Variants in TXNRD1 observed in about 807,000 individuals in gnomAD.
TXNRD1 encodes the protein thioredoxin reductase 1, also known as thioredoxin reductase 1, cytoplasmic.
Under a neutral mutation model 80.3 loss-of-function variants are expected in TXNRD1, and 57 were observed. The observed-to-expected ratio is 0.71, with a 90% CI of 0.57 to 0.89. TXNRD1 has a LOEUF of 0.89. Ranked by LOEUF, TXNRD1 falls within the 40% of genes least tolerant of loss-of-function variation. The pLI, the probability that TXNRD1 is intolerant of heterozygous loss-of-function variation, is 0.00. For missense variants in TXNRD1, 730 were observed against 803.0 expected (o/e 0.91, Z 1.10); for synonymous variants, 291 against 285.2 (o/e 1.02, Z -0.20).
At chr12:104,331,882 A>G (rs890389262) in intron 14 of TXNRD1, among the ~76,000 whole-genome samples, 19 of 152,038 alleles carry the variant, frequency 1.2e-4, no homozygotes, top group South Asian at 2.1e-4. Flanking sequence ...CTTTACCCCT[A>G]AATACTTTAT....
intron 1 of TXNRD1, among the ~76,000 whole-genome samples, chr12:104,235,416 GAAGT>G (rs2032717256): frequency 6.6e-6 from 1 of 152,190 alleles, no homozygotes; most frequent in Non-Finnish European, 1.5e-5. Context: ...AGGAGGCAAG[GAAGT>G]TAGGCTTTGA....
intron 1 of TXNRD1, among the ~76,000 whole-genome samples, chr12:104,226,802 A>G (rs2032483273): frequency 6.6e-6 from 1 of 152,172 alleles, no homozygotes; most frequent in Non-Finnish European, 1.5e-5. Context: ...CCAAATAAAA[A>G]TACCTAGCAT....
intron 10 of TXNRD1, among the ~76,000 whole-genome samples, chr12:104,323,241 CT>C (rs1209605442): frequency 7.0e-6 from 1 of 143,662 alleles, no homozygotes; most frequent in Non-Finnish European, 1.5e-5. Flanking sequence ...ATTTCTCAAT[CT>C]TTTCCCCACC....
intron 3 of TXNRD1, among the ~76,000 whole-genome samples, chr12:104,275,722 T>C (rs922567189): frequency 3.3e-5 from 5 of 152,080 alleles, no homozygotes; most frequent in Non-Finnish European, 7.4e-5. Flanking sequence ...TAATGCTTTG[T>C]TGACAGTTAC....
intron 1 of TXNRD1, among the ~76,000 whole-genome samples, chr12:104,217,437 A>G (rs1159792451): frequency 6.6e-6 from 1 of 151,696 alleles, no homozygotes; most frequent in Non-Finnish European, 1.5e-5. Flanking sequence ...CAGCCTCCCA[A>G]GTAGCTGGGA....
intron 13 of TXNRD1, 126 bp downstream of exon 13, chr12:104,327,797 G>C (rs7962256): frequency 0.065 from 63,110 of 966,238 alleles, 2,298 homozygotes; most frequent in Non-Finnish European, 0.078. Context: ...TGGCATCCTA[G>C]ATGTCCTTTA....
At chr12:104,323,581 T>G (rs1409173248) in intron 10 of TXNRD1, among the ~76,000 whole-genome samples, 1 of 64,002 alleles carries the variant, frequency 1.6e-5, no homozygotes. Context: ...GGCGGGGGGC[T>G]GACACCCCCA....
chr12:104,271,052 G>A (rs917788365), intron 3 of TXNRD1, among the ~76,000 whole-genome samples: 4 of 152,256 alleles, frequency 2.6e-5, no homozygotes, highest in East Asian at 1.9e-4. Context: ...TCAGTTTCAC[G>A]TGCATCCGTG....
chr12:104,216,515 T>C (rs901623032), intron 1 of TXNRD1, among the ~76,000 whole-genome samples: 2 of 152,222 alleles, frequency 1.3e-5, no homozygotes, highest in Non-Finnish European at 2.9e-5. Flanking sequence ...GTCCGGATAA[T>C]GCCAATAATG....
chr12:104,305,955 G>T (rs112727779), intron 4 of TXNRD1, among the ~76,000 whole-genome samples: 2 of 151,964 alleles, frequency 1.3e-5, no homozygotes, highest in Non-Finnish European at 2.9e-5. Context: ...CCAGGCTGGG[G>T]TGCAGTGGTG....
intron 1 of TXNRD1, among the ~76,000 whole-genome samples, chr12:104,238,995 C>T (rs997214754): frequency 1.0e-4 from 15 of 150,452 alleles, no homozygotes; most frequent in Middle Eastern, 3.5e-3. Context: ...TACAGATGCC[C>T]GCCACCACAC....
At chr12:104,346,907 CA>C (rs544772240) in intron 16 of TXNRD1, among the ~76,000 whole-genome samples, 279 of 152,208 alleles carry the variant, frequency 1.8e-3, no homozygotes, top group Non-Finnish European at 3.7e-3. Flanking sequence ...CAAGCCTGGT[CA>C]ACGTGGTGAA....
chr12:104,251,562 A>T lies in TXNRD1; in HGVS notation c.127A>T (p.Asn43Tyr), dbSNP rs750840443. The T allele has an allele frequency of 3.0e-5, 49 of 1,613,822 alleles. No individual in the cohort carries two copies. Among genetic ancestry groups the T allele is most frequent in the Non-Finnish European group, 3.4e-5 (40 of 1,179,878 alleles). Residue 43 changes from asparagine (N) to tyrosine (Y), a missense_variant, in exon 2 of 17, where the codon AAC (asparagine) becomes TAC (tyrosine). Coordinates refer to ENST00000525566, the MANE Select transcript of TXNRD1 (RefSeq NM_001093771.3). The stretch of plus-strand genomic sequence containing the variant: ...TCACCCTGGTAAAACTTTGCCAGAG[A>T]ACCCAGCAGGATTCACCAGCACGGC... ...DHHPGKTLPENPAGFTSTATA... is the reference protein window; with the variant it reads ...DHHPGKTLPEYPAGFTSTATA...
At chr12:104,298,598 C>T (rs1055693245) in intron 4 of TXNRD1, among the ~76,000 whole-genome samples, 4 of 152,042 alleles carry the variant, frequency 2.6e-5, no homozygotes, top group Admixed American at 6.6e-5. Flanking sequence ...GTGGCACACA[C>T]GTGTAATCCC....
At chr12:104,267,284 C>CTTTTTTTCTTTCTT (rs2033524577) in intron 3 of TXNRD1, among the ~76,000 whole-genome samples, 1 of 9,220 alleles carries the variant, frequency 1.1e-4, no homozygotes, top group African/African-American at 3.9e-4. Context: ...TCTTTCTTTC[C>CTTTTTTTCTTTCTT]TCTTTCTGTC....
chr12:104,280,473 T>TTTATTTCTC (rs2033855229), intron 3 of TXNRD1: 1 of 152,236 alleles, frequency 6.6e-6, no homozygotes, highest in Admixed American at 6.5e-5. Context: ...CTGGGCCATC[T>TTTATTTCTC]TTATTTCTCT....
chr12:104,292,392 C>A (rs374645930), intron 4 of TXNRD1, among the ~76,000 whole-genome samples: 98 of 122,482 alleles, frequency 8.0e-4, no homozygotes, highest in African/African-American at 2.6e-3. Context: ...CCCGCCCCCC[C>A]GCCTTTTTTT....
Position 104,346,933 on chromosome 12 carries a change from A to G in TXNRD1, c.1882-1420A>G, listed in dbSNP as rs1001440830. Among the ~76,000 whole-genome samples, 4 of 152,106 alleles carry G rather than the reference A, an allele frequency of 2.6e-5. No homozygotes were observed. In the East Asian group the frequency reaches 7.7e-4, roughly 29 times the overall value. On this transcript the variant is annotated intron_variant, in intron 16 of 16. Transcript: ENST00000525566. ...AACGTGGTGAAACCCTGTCTCTACT[A>G]AAAATCCAAAAATTATCCGAGCATG... is the stretch of plus-strand genomic sequence containing the variant.
intron 3 of TXNRD1, among the ~76,000 whole-genome samples, chr12:104,282,234 T>G (rs996769931): frequency 2.0e-5 from 3 of 152,190 alleles, no homozygotes; most frequent in African/African-American, 4.8e-5. Flanking sequence ...GTGATGGCAG[T>G]GGGCAAAATT....
Sources: allele counts gnomAD v4.1 joint callset (sites outside exome capture counted in the v4.1 genomes callset), GRCh38; gene constraint gnomAD v4.1.1; transcripts MANE v1.5; gene names NCBI Gene and HGNC (gene_info 2026-07-23, HGNC 2026-07-21).